COL13A1: variants seen among roughly 807,000 people sequenced by gnomAD.
COL13A1 encodes the protein collagen type XIII alpha 1 chain.
A neutral mutation model predicts 130.9 loss-of-function variants in COL13A1; 89 were observed. The ratio of observed to expected loss-of-function variants is 0.68; its 90% CI spans 0.57 to 0.81. The LOEUF is 0.81. COL13A1 is among the 30% of genes least tolerant of loss of function. The pLI, the probability that COL13A1 is intolerant of heterozygous loss-of-function variation, is 0.00. For missense variants in COL13A1, 879 were observed against 934.6 expected, an observed-to-expected ratio of 0.94 and a Z score of 0.78; for synonymous variants, 402 against 341.6, an observed-to-expected ratio of 1.18 and a Z score of -1.95.
chr10:69,921,959 G>A, intron 22 of COL13A1, 24 bp downstream of exon 22: 1 of 1,592,558 alleles, frequency 6.3e-7, no homozygotes. Context: ...TGAATGGAGG[G>A]TTCAAGTCCT....
intron 2 of COL13A1, among the ~76,000 whole-genome samples, chr10:69,850,825 C>T (rs556207657): frequency 2.6e-5 from 4 of 152,346 alleles, no homozygotes; most frequent in South Asian, 2.1e-4. Flanking sequence ...AGTTCTGGAA[C>T]GGGGATGGCC....
chr10:69,907,650 T>C (rs71480618), intron 17 of COL13A1, among the ~76,000 whole-genome samples: 13,183 of 149,624 alleles, frequency 0.088, 750 homozygotes, highest in Middle Eastern at 0.14. Flanking sequence ...TAACCCACTC[T>C]CATGATGACT....
rs368537734 is a variant in COL13A1 at position 69,947,390 on chromosome 10, G to C, written c.2058+48G>C. ...GTGCTCTAGTTACTAATGTCTTCAT[G>C]ATGGGGTGGAATGATCGATCGGTGA... On this transcript the variant is annotated intron_variant, in intron 38 of 40. Transcript: ENST00000645393. 2.8e-4 allele frequency: 432 copies of C among 1,539,168 alleles called. 1 individual carries two copies. The highest frequency in any genetic ancestry group is 3.7e-4 in the Non-Finnish European group (412 of 1,124,232).
chr10:69,892,458 G>T (rs922431172), intron 10 of COL13A1, among the ~76,000 whole-genome samples: 14 of 152,170 alleles, frequency 9.2e-5, no homozygotes, highest in African/African-American at 3.1e-4. Flanking sequence ...AGTGTAGTTG[G>T]GGGGTGGACA....
rs1589562460 is a variant in COL13A1 at position 69,925,819 on chromosome 10, C to T, written c.1345C>T (p.Pro449Ser). 1.3e-6 allele frequency: 2 copies of T among 1,599,956 alleles called. No homozygotes were observed. The highest frequency in any genetic ancestry group is 2.3e-5 in the South Asian group (2 of 87,808). ...TGCCTTCCAGGGCTCCAAGGGAGAACCAGGGAAAGGAGAGATGGTGGATTA... is the reference window on the plus strand; with the variant it reads ...TGCCTTCCAGGGCTCCAAGGGAGAATCAGGGAAAGGAGAGATGGTGGATTA... ...PDGPKGSKGE[P>S]GKGEMVDYNG... The change falls in exon 26 of 41, where the codon CCA (proline) becomes TCA (serine). Residue 449 changes from proline (P) to serine (S), a missense_variant. This residue lies in a region of COL13A1 where 715 missense variants were observed against 721.0 expected (regional missense o/e 0.99). Transcript: ENST00000645393.
At chr10:69,955,394 C>A (rs1484285429) in intron 39 of COL13A1, 1 of 152,590 alleles carries the variant, frequency 6.6e-6, no homozygotes, top group East Asian at 1.9e-4. Flanking sequence ...CGCAGGGGCT[C>A]CCTTGAGCAC....
intron 17 of COL13A1, among the ~76,000 whole-genome samples, chr10:69,907,749 C>T (rs761260223): frequency 6.6e-6 from 1 of 151,852 alleles, no homozygotes; most frequent in Non-Finnish European, 1.5e-5. Flanking sequence ...CAAACCCACA[C>T]CCATGATAAC....
At chr10:69,871,762 C>T (rs74139221) in intron 3 of COL13A1, among the ~76,000 whole-genome samples, 2,987 of 152,276 alleles carry the variant, frequency 0.02, 95 homozygotes, top group African/African-American at 0.069. Context: ...TCTGGCCAGT[C>T]CTCCTCTCTT....
chr10:69,877,513 G>T (rs149185715), intron 5 of COL13A1: 1 of 160,762 alleles, frequency 6.2e-6, no homozygotes, highest in Admixed American at 6.1e-5. Context: ...TCACAACACA[G>T]TCCTGGGGCA....
At chr10:69,837,435 C>G (rs1490536975) in intron 2 of COL13A1, among the ~76,000 whole-genome samples, 1 of 152,228 alleles carries the variant, frequency 6.6e-6, no homozygotes, top group Non-Finnish European at 1.5e-5. Flanking sequence ...AAGCTGGGCA[C>G]CTGGTTCCGG....
At chr10:69,928,214 T>C (rs904761821) in intron 27 of COL13A1, among the ~76,000 whole-genome samples, 2 of 152,216 alleles carry the variant, frequency 1.3e-5, no homozygotes, top group African/African-American at 4.8e-5. Flanking sequence ...TTTTTTCCTT[T>C]AAAATCAACC....
At chr10:69,840,344 C>T (rs1196440420) in intron 2 of COL13A1, among the ~76,000 whole-genome samples, 1 of 152,112 alleles carries the variant, frequency 6.6e-6, no homozygotes, top group Non-Finnish European at 1.5e-5. Context: ...CTTTAAGTTG[C>T]GTGTCCCCCA....
intron 35 of COL13A1, among the ~76,000 whole-genome samples, chr10:69,942,438 G>A (rs576406540): frequency 6.6e-6 from 1 of 152,302 alleles, no homozygotes; most frequent in Admixed American, 6.5e-5. Flanking sequence ...ATCTGTGGTT[G>A]CAATCAGAGA....
rs1840196385 is a variant in COL13A1 at position 69,802,245 on chromosome 10, G to C, written c.-179G>C. On this transcript the variant is annotated 5_prime_UTR_variant, in exon 1 of 41. Coordinates refer to ENST00000645393, the MANE Select transcript of COL13A1 (RefSeq NM_001368882.1). ...AATTACCGCTGGTTGTGCTTTTTCG[G>C]CACTTCCTCTCCTACTGCTAATTTT... 1 of 697,714 alleles carries C rather than the reference G, an allele frequency of 1.4e-6. No homozygotes were observed. Among genetic ancestry groups the C allele is most frequent in the Non-Finnish European group, 2.1e-6 (1 of 470,498 alleles). 43.2% of individuals were successfully genotyped at this position (697,714 alleles called of 1,614,324 possible).
chr10:69,954,179 A>AC (rs1463829595), intron 39 of COL13A1, among the ~76,000 whole-genome samples: 2 of 152,042 alleles, frequency 1.3e-5, no homozygotes, highest in Non-Finnish European at 2.9e-5. Context: ...GCCAAGGGTC[A>AC]CCCCGCCTAG....
intron 2 of COL13A1, among the ~76,000 whole-genome samples, chr10:69,861,935 G>A (rs895480021): frequency 5.3e-5 from 8 of 152,194 alleles, no homozygotes; most frequent in African/African-American, 1.9e-4. Context: ...TAGGACAGAT[G>A]TGAGCTGTGG....
intron 27 of COL13A1, among the ~76,000 whole-genome samples, chr10:69,928,199 A>G (rs946196820): frequency 1.3e-5 from 2 of 152,162 alleles, no homozygotes; most frequent in Admixed American, 6.5e-5. Context: ...CTTCCCAGAA[A>G]CATTTTTTTT....
chr10:69,947,297 T>C lies in COL13A1; in HGVS notation c.2023-10T>C. 1 of 1,613,420 alleles carries C rather than the reference T, an allele frequency of 6.2e-7. No individual in the cohort carries two copies. Among genetic ancestry groups the C allele is most frequent in the Non-Finnish European group, 8.5e-7 (1 of 1,179,608 alleles). ...CATTAACATGCCTTTCTTCCTCTGA[T>C]CTCTTGCAGGGTTTACATGGACCAC... On this transcript the variant is annotated splice_polypyrimidine_tract_variant and intron_variant, in intron 37 of 40. Transcript: ENST00000645393.
At position 69,872,222 on chromosome 10, in the gene COL13A1, T is replaced by C. The variant is rs2059143332; in HGVS notation, c.399+12T>C. On this transcript the variant is annotated intron_variant, in intron 4 of 40. Transcript: ENST00000645393. ...GACCCGGACTCCCAGTAAGTCACTT[T>C]TGTTTCTTCTTTCCTTTGCATCTCT... 2 of 1,613,984 alleles carry C rather than the reference T, an allele frequency of 1.2e-6. No homozygotes were observed. Among genetic ancestry groups the C allele is most frequent in the Non-Finnish European group, 1.7e-6 (2 of 1,179,864 alleles).
Sources: gnomAD v4.1 joint callset for allele counts (sites outside exome capture counted in the v4.1 genomes callset) on GRCh38, gnomAD v4.1.1 for gene constraint, gnomAD v4.1.1 regional missense constraint, MANE v1.5 for transcripts, NCBI Gene and HGNC (gene_info 2026-07-23, HGNC 2026-07-21) for gene names.